The following KIF1B variants were observed in gnomAD, a reference collection of about 807,000 sequenced individuals.
The protein encoded by KIF1B is kinesin-like protein KIF1B.
A neutral mutation model predicts 241.9 loss-of-function variants in KIF1B; 76 were observed. That is an observed-to-expected ratio of 0.31 (90% CI 0.26 to 0.38). KIF1B has a LOEUF of 0.38. Among genes scored for constraint, KIF1B ranks in the 10% least tolerant of loss-of-function variants. The pLI, the probability that KIF1B is intolerant of heterozygous loss-of-function variation, is 1.00. For synonymous variants in KIF1B, 750 were observed against 796.7 expected (o/e 0.94, Z 0.99); for missense variants, 1,622 against 2,271.4 (o/e 0.71, Z 5.81).
chr1:10,280,106 C>T (rs1447338262), intron 14 of KIF1B, among the ~76,000 whole-genome samples: 1 of 152,156 alleles, frequency 6.6e-6, no homozygotes, highest in Admixed American at 6.5e-5. Context: ...CCACATATAT[C>T]TTAAGTTGGT....
At chr1:10,263,924 A>G (rs1204965394) in intron 5 of KIF1B, among the ~76,000 whole-genome samples, 2 of 152,136 alleles carry the variant, frequency 1.3e-5, no homozygotes, top group African/African-American at 4.8e-5. Context: ...TCCTGTTTCA[A>G]GAACATACCA....
chr1:10,316,028 C>T (rs1266625795), intron 22 of KIF1B, among the ~76,000 whole-genome samples: 1 of 145,862 alleles, frequency 6.9e-6, no homozygotes, highest in Non-Finnish European at 1.5e-5. Flanking sequence ...TGCACTCCAG[C>T]CTGGGTGACA....
intron 38 of KIF1B, among the ~76,000 whole-genome samples, chr1:10,358,651 C>T (rs184154327): frequency 6.7e-6 from 1 of 149,854 alleles, no homozygotes; most frequent in Non-Finnish European, 1.5e-5. Context: ...CCACCCTACT[C>T]CAGCCTGGGT....
Position 10,282,397 on chromosome 1 carries a change from C to T in KIF1B, c.1298C>T (p.Thr433Ile). The stretch of plus-strand genomic sequence containing the variant: ...AATCAACGCCCTGGCCATTTTTCCA[C>T]AGCATCCATGGGGTCCCTCACTTCA... ...SENQRPGHFS[T>I]ASMGSLTSSP... Residue 433 changes from threonine to isoleucine, a missense_variant, in exon 15 of 49, where the codon ACA becomes ATA. By Grantham distance (89) the Thr-to-Ile change is moderately conservative (BLOSUM62 -1). Transcript: ENST00000676179. The T allele has an allele frequency of 6.2e-7, 1 of 1,614,198 alleles. No homozygotes were observed. Among genetic ancestry groups the T allele is most frequent in the African/African-American group, 1.3e-5 (1 of 75,050 alleles).
intron 3 of KIF1B, 128 bp downstream of exon 3, chr1:10,256,451 T>G: frequency 1.3e-6 from 1 of 742,726 alleles, no homozygotes; most frequent in Non-Finnish European, 2.5e-6. Flanking sequence ...ATGAGTTCAT[T>G]CTTTGATACA....
chr1:10,241,952 C>A (rs903488755), intron 2 of KIF1B, among the ~76,000 whole-genome samples: 2 of 152,108 alleles, frequency 1.3e-5, no homozygotes, highest in African/African-American at 4.8e-5. Context: ...CTATGTCAGA[C>A]AAAGTGGGCA....
chr1:10,344,072 A>G (rs74672761), intron 34 of KIF1B, among the ~76,000 whole-genome samples: 2,621 of 152,070 alleles, frequency 0.017, 83 homozygotes, highest in African/African-American at 0.06. Context: ...TGTATTCCCC[A>G]TCTTCATCTG....
At chr1:10,307,653 C>A in intron 22 of KIF1B, 1 of 1,017,064 alleles carries the variant, frequency 9.8e-7, no homozygotes, top group African/African-American at 1.7e-5. Flanking sequence ...TTAAATACCA[C>A]AAGGCCAAAG....
intron 27 of KIF1B, among the ~76,000 whole-genome samples, chr1:10,331,137 C>T (rs907582579): frequency 3.3e-5 from 5 of 151,558 alleles, no homozygotes; most frequent in South Asian, 2.1e-4. Context: ...GTGTAGGCAT[C>T]GAGTGCAGAG....
intron 2 of KIF1B, among the ~76,000 whole-genome samples, chr1:10,241,785 CAA>C (rs1450011467): frequency 6.6e-6 from 1 of 151,938 alleles, no homozygotes; most frequent in Non-Finnish European, 1.5e-5. Flanking sequence ...TTGCAACTCT[CAA>C]GAGGTGTTTT....
rs1326982384 is a variant in KIF1B, at chr1:10,378,896, TC to T, written c.*2311del. Reference sequence around the variant, plus strand: ...CGGATTTTTTTTTTAACTTTCTTCTTCCTGTTAAAACATAGGTCACTAACTG... The same window carrying T: ...CGGATTTTTTTTTTAACTTTCTTCTTCTGTTAAAACATAGGTCACTAACTG... On this transcript the variant is annotated 3_prime_UTR_variant, in exon 49 of 49. Coordinates refer to ENST00000676179, the MANE Select transcript of KIF1B (RefSeq NM_001365951.3). 8.4e-6 allele frequency: 2 copies of T among 237,312 alleles called. No homozygotes were observed. Among genetic ancestry groups the T allele is most frequent in the Non-Finnish European group, 1.7e-5 (2 of 120,392 alleles). 14.7% of individuals were successfully genotyped at this position (237,312 alleles called of 1,614,324 possible). A position where few individuals can be genotyped will look rare whatever the true frequency, so the allele number is the denominator to read the frequency against.
rs1275451757 is a variant in KIF1B, at chr1:10,210,640, C to T, written c.-318C>T. Among the ~76,000 whole-genome samples, 2 of 147,328 alleles carry T rather than the reference C, an allele frequency of 1.4e-5. No individual in the cohort carries two copies. ...AGCTCCCCGTCCTCCGCAGCCGTCA[C>T]CGCCGGCCGTCGCCGCGCCCTGGCC... On this transcript the variant is annotated 5_prime_UTR_variant, in exon 1 of 49. Transcript: ENST00000676179. The surrounding 1 kb of genome is among the most constrained non-coding windows in gnomAD (Gnocchi z 4.1).
In KIF1B at chr1:10,326,576, C is replaced by T. The variant is rs919778205; in HGVS notation, c.2924+217C>T. On this transcript the variant is annotated intron_variant, in intron 27 of 48. Transcript: ENST00000676179. This position sits in a 1 kb window ranked among gnomAD's most constrained non-coding sequence, Gnocchi z 5.2. Reference sequence around the variant, plus strand: ...GGTCCTCAGTCTACTCAGCACAATACGTAGCAATATATGAAGACTGCATGG... The same window carrying T: ...GGTCCTCAGTCTACTCAGCACAATATGTAGCAATATATGAAGACTGCATGG... Among the ~76,000 whole-genome samples the T allele has an allele frequency of 5.9e-5, 9 of 152,268 alleles. No individual in the cohort carries two copies. Among genetic ancestry groups the T allele is most frequent in the Non-Finnish European group, 8.8e-5 (6 of 68,022 alleles).
At chr1:10,311,546 T>G (rs1033740004) in intron 22 of KIF1B, among the ~76,000 whole-genome samples, 5 of 151,186 alleles carry the variant, frequency 3.3e-5, no homozygotes, top group Non-Finnish European at 7.4e-5. Flanking sequence ...CTATCCTCAT[T>G]CTTGCTGGAA....
intron 2 of KIF1B, among the ~76,000 whole-genome samples, chr1:10,238,313 G>A (rs563521000): frequency 7.3e-5 from 11 of 150,188 alleles, no homozygotes; most frequent in East Asian, 3.9e-4. Flanking sequence ...TCTGGGAGAC[G>A]GAGGTTGCAG....
chr1:10,291,099 T>A lies in KIF1B; in HGVS notation c.1452T>A (p.Ile484=). 1 of 1,613,460 alleles carries A rather than the reference T, an allele frequency of 6.2e-7. No individual in the cohort carries two copies. Among genetic ancestry groups the A allele is most frequent in the Non-Finnish European group, 8.5e-7 (1 of 1,179,564 alleles). Residue 484 remains isoleucine (I), a synonymous_variant, in exon 16 of 49, where the codon ATT becomes ATA. Coordinates refer to ENST00000676179, the MANE Select transcript of KIF1B (RefSeq NM_001365951.3). ...IERLKESEKI[I]AELNETWEEK... The stretch of plus-strand genomic sequence containing the variant: ...TTCCTTAGGAATCAGAGAAGATCAT[T>A]GCTGAGTTGAATGAAACTTGGGAAG...
chr1:10,250,480 A>G (rs1647377123), intron 2 of KIF1B, among the ~76,000 whole-genome samples: 2 of 152,106 alleles, frequency 1.3e-5, no homozygotes, highest in South Asian at 2.1e-4. Flanking sequence ...CTGGGGTTAC[A>G]GGTGCCCACC....
chr1:10,348,895 G>A (rs1191328746), intron 37 of KIF1B, among the ~76,000 whole-genome samples, 162 bp downstream of exon 37: 1 of 151,986 alleles, frequency 6.6e-6, no homozygotes, highest in Non-Finnish European at 1.5e-5. Context: ...CCTGCCTCAG[G>A]TTCCCGAGTA....
chr1:10,337,770 G>A lies in KIF1B; in HGVS notation c.3422+237G>A, dbSNP rs941893251. Among the ~76,000 whole-genome samples the A allele has an allele frequency of 2.0e-5, 3 of 152,184 alleles. No individual in the cohort carries two copies. The highest frequency in any genetic ancestry group is 6.3e-3 in the Middle Eastern group (2 of 316). ...GCTGCACATCCTGCTGCAGGGCTCT[G>A]CTGTGAGCGGTCCCCCTTTACCAGG... On this transcript the variant is annotated intron_variant, in intron 31 of 48. Coordinates refer to ENST00000676179, the MANE Select transcript of KIF1B (RefSeq NM_001365951.3). The surrounding 1 kb of genome is among the most constrained non-coding windows in gnomAD (Gnocchi z 4.0).
Sources: allele counts gnomAD v4.1 joint callset (sites outside exome capture counted in the v4.1 genomes callset), GRCh38; gene constraint gnomAD v4.1.1; non-coding constraint Gnocchi (gnomAD v3.1); transcripts MANE v1.5; gene names NCBI Gene and HGNC (gene_info 2026-07-23, HGNC 2026-07-21).